CFAP44: variants seen among roughly 807,000 people sequenced by gnomAD.
CFAP44 encodes the protein cilia- and flagella-associated protein 44.
CFAP44 carries 134 observed loss-of-function variants against 216.2 expected under a neutral mutation model. The ratio of observed to expected loss-of-function variants is 0.62; its 90% confidence interval spans 0.54 to 0.72. CFAP44 has a LOEUF of 0.72. Ranked by LOEUF, CFAP44 falls within the 30% of genes least tolerant of loss-of-function variation. CFAP44 has a pLI of 0.00. For missense variants in CFAP44, 2,035 were observed against 2,182.1 expected, an observed-to-expected ratio of 0.93 and a Z score of 1.34; for synonymous variants, 700 against 727.6, an observed-to-expected ratio of 0.96 and a Z score of 0.61.
chr3:113,317,471 C>T (rs1435061719), intron 28 of CFAP44, among the ~76,000 whole-genome samples: 1 of 152,242 alleles, frequency 6.6e-6, no homozygotes, highest in African/African-American at 2.4e-5. Flanking sequence ...GGGCCCATGC[C>T]TCACCGCCCT....
chr3:113,368,864 C>A (rs113215702), intron 18 of CFAP44, among the ~76,000 whole-genome samples: 21 of 152,258 alleles, frequency 1.4e-4, no homozygotes, highest in African/African-American at 4.3e-4. Context: ...TACAGAGATA[C>A]ACATAGGCTC....
chr3:113,402,508 C>T (rs1934169707), intron 9 of CFAP44, among the ~76,000 whole-genome samples: 1 of 152,188 alleles, frequency 6.6e-6, no homozygotes. Flanking sequence ...GTTCTGGCAA[C>T]ATACCCTGCC....
rs1933996273 is a variant in CFAP44 at position 113,396,589 on chromosome 3, C to T, written c.1708G>A (p.Val570Ile). Residue 570 changes from valine (V) to isoleucine (I), a missense_variant, in exon 14 of 35, where the codon GTT (valine) becomes ATT (isoleucine). Coordinates refer to ENST00000393845, the MANE Select transcript of CFAP44 (RefSeq NM_001164496.2). ...ACACAAGCAGTATGGGGTTTGAAAA[C>T]CTGTTTCAACTGAATATCAGCATCC... ...ILDADIQLKQ[V>I]FKPHTACVTA... 1.2e-6 allele frequency: 2 copies of T among 1,614,056 alleles called. No individual in the cohort carries two copies. The highest frequency in any genetic ancestry group is 1.7e-6 in the Non-Finnish European group (2 of 1,180,008).
chr3:113,341,533 C>T (rs544605509), intron 24 of CFAP44, among the ~76,000 whole-genome samples: 5 of 152,064 alleles, frequency 3.3e-5, no homozygotes, highest in Admixed American at 1.3e-4. Flanking sequence ...ATTCCTGGAC[C>T]GGAAACTCTA....
intron 28 of CFAP44, among the ~76,000 whole-genome samples, chr3:113,311,876 G>C (rs575086892): frequency 6.6e-6 from 1 of 152,244 alleles, no homozygotes; most frequent in South Asian, 2.1e-4. Flanking sequence ...GGGAACTGGA[G>C]CAAAGGAGAC....
intron 31 of CFAP44, 93 bp downstream of exon 31, chr3:113,304,943 C>A (rs1576538308): frequency 1.8e-6 from 2 of 1,099,652 alleles, no homozygotes; most frequent in East Asian, 5.2e-5. Flanking sequence ...AACCACGATT[C>A]TCCCCATTAG....
chr3:113,374,742 C>A (rs1231984121), intron 17 of CFAP44, among the ~76,000 whole-genome samples: 1 of 152,202 alleles, frequency 6.6e-6, no homozygotes, highest in East Asian at 1.9e-4. Flanking sequence ...TCAAGCAATT[C>A]TCCTGCCTCG....
intron 1 of CFAP44, among the ~76,000 whole-genome samples, chr3:113,436,605 A>G (rs1272847911): frequency 6.6e-6 from 1 of 152,232 alleles, no homozygotes; most frequent in Non-Finnish European, 1.5e-5. Context: ...TGAAGTGACT[A>G]TGATTGATCG....
intron 26 of CFAP44, among the ~76,000 whole-genome samples, chr3:113,329,523 G>A (rs530680879): frequency 6.6e-6 from 1 of 152,346 alleles, no homozygotes; most frequent in South Asian, 2.1e-4. Flanking sequence ...TCACCACAGG[G>A]TGAAGCTGGA....
chr3:113,336,716 A>C (rs1950285136), intron 24 of CFAP44, among the ~76,000 whole-genome samples: 1 of 152,026 alleles, frequency 6.6e-6, no homozygotes, highest in Non-Finnish European at 1.5e-5. Context: ...AAATAAGTAC[A>C]TTAAACATAA....
At chr3:113,413,072 G>T (rs183424324) in intron 6 of CFAP44, among the ~76,000 whole-genome samples, 1 of 152,122 alleles carries the variant, frequency 6.6e-6, no homozygotes, top group Non-Finnish European at 1.5e-5. Context: ...CATTCTGACT[G>T]GCATGAGATG....
chr3:113,419,187 T>A (rs1490684366), intron 5 of CFAP44, among the ~76,000 whole-genome samples: 1 of 152,226 alleles, frequency 6.6e-6, no homozygotes, highest in Non-Finnish European at 1.5e-5. Flanking sequence ...TCCTGAAACC[T>A]CATAGGCTCC....
chr3:113,408,337 A>C (rs1358804454), intron 7 of CFAP44, among the ~76,000 whole-genome samples: 1 of 152,202 alleles, frequency 6.6e-6, no homozygotes, highest in Non-Finnish European at 1.5e-5. Context: ...AGCAAGACCT[A>C]AGATCAAGAG....
chr3:113,414,009 T>C (rs1313346598), intron 6 of CFAP44, among the ~76,000 whole-genome samples: 1 of 152,152 alleles, frequency 6.6e-6, no homozygotes, highest in African/African-American at 2.4e-5. Context: ...TGTTTTTCCG[T>C]TTGTTTGTGT....
At chr3:113,400,810 G>A in intron 11 of CFAP44, 166 bp from the exon 12 acceptor site, 2 of 640,598 alleles carry the variant, frequency 3.1e-6, no homozygotes, top group South Asian at 3.7e-5. Context: ...AGAATTAGGA[G>A]AACCAGATAG....
At chr3:113,368,152 T>TAGGG (rs1933024775) in intron 18 of CFAP44, among the ~76,000 whole-genome samples, 1 of 152,152 alleles carries the variant, frequency 6.6e-6, no homozygotes, top group Non-Finnish European at 1.5e-5. Context: ...TGGAACCAAG[T>TAGGG]TAGAAAACAC....
At chr3:113,298,598 A>G (rs1236588099) in intron 32 of CFAP44, among the ~76,000 whole-genome samples, 1 of 152,258 alleles carries the variant, frequency 6.6e-6, no homozygotes, top group Non-Finnish European at 1.5e-5. Flanking sequence ...CTGCCCATTG[A>G]CAAATAAATG....
chr3:113,410,392 T>A lies in CFAP44; in HGVS notation c.674-1070A>T, dbSNP rs891554594. Among the ~76,000 whole-genome samples the A allele has an allele frequency of 5.9e-5, 9 of 152,274 alleles. No homozygotes were observed. In the East Asian group the frequency reaches 1.5e-3, roughly 26 times the overall value. On this transcript the variant is annotated intron_variant, in intron 6 of 34. Coordinates refer to ENST00000393845, the MANE Select transcript of CFAP44 (RefSeq NM_001164496.2). ...CAATTCCCACCTATGAGTGAGAACA[T>A]GCAGTGTTTGGTTTTTTGTCCTTGC...
chr3:113,362,490 A>G (rs1004532350), intron 21 of CFAP44, among the ~76,000 whole-genome samples: 1 of 152,128 alleles, frequency 6.6e-6, no homozygotes, highest in African/African-American at 2.4e-5. Flanking sequence ...GAGTTACCCA[A>G]ACTGACAATC....
Sources: allele counts gnomAD v4.1 joint callset (sites outside exome capture counted in the v4.1 genomes callset), GRCh38; gene constraint gnomAD v4.1.1; transcripts MANE v1.5; gene names NCBI Gene and HGNC (gene_info 2026-07-23, HGNC 2026-07-21).